The following WWOX variants were observed in gnomAD, a reference collection of about 807,000 sequenced individuals.
WWOX encodes the protein WW domain containing oxidoreductase.
A neutral mutation model predicts 46.2 loss-of-function variants in WWOX; 69 were observed. The observed-to-expected ratio is 1.49, with a 90% CI of 1.23 to 1.82. The LOEUF (loss-of-function observed/expected upper bound fraction) is 1.82, where lower values mean the gene tolerates loss of function less well. WWOX is among the 40% of genes most tolerant of loss of function. The pLI is 0.00. For missense variants in WWOX, 919 were observed against 542.6 expected (o/e 1.69, Z -6.89); for synonymous variants, 359 against 202.6 (o/e 1.77, Z -6.56).
At chr16:78,364,917 G>A (rs913912184) in intron 5 of WWOX, among the ~76,000 whole-genome samples, 1 of 152,060 alleles carries the variant, frequency 6.6e-6, no homozygotes, top group Non-Finnish European at 1.5e-5. Flanking sequence ...TAGGTACCTG[G>A]AATTTCATTC....
At chr16:78,726,593 A>G (rs2048842410) in intron 8 of WWOX, among the ~76,000 whole-genome samples, 1 of 152,166 alleles carries the variant, frequency 6.6e-6, no homozygotes, top group African/African-American at 2.4e-5. Flanking sequence ...AGGTAAATTA[A>G]TGGAGGAAGG....
chr16:78,419,962 G>T (rs867415252), intron 6 of WWOX, among the ~76,000 whole-genome samples: 11 of 152,022 alleles, frequency 7.2e-5, no homozygotes, highest in Non-Finnish European at 1.3e-4. Flanking sequence ...TTTAAAAAAT[G>T]AGCATAAGAT....
chr16:78,336,857 A>G (rs893009873), intron 5 of WWOX, among the ~76,000 whole-genome samples: 7 of 151,900 alleles, frequency 4.6e-5, no homozygotes, highest in African/African-American at 1.5e-4. Flanking sequence ...CAGTGGTGCA[A>G]TCTCCTCCGC....
At chr16:78,410,303 G>A (rs540607099) in intron 6 of WWOX, among the ~76,000 whole-genome samples, 1 of 152,292 alleles carries the variant, frequency 6.6e-6, no homozygotes, top group African/African-American at 2.4e-5. Flanking sequence ...TGCAGTGCAA[G>A]AATAGCTTAA....
intron 8 of WWOX, among the ~76,000 whole-genome samples, chr16:79,020,728 G>C (rs565014858): frequency 1.1e-3 from 171 of 152,164 alleles, no homozygotes; most frequent in Non-Finnish European, 2.3e-3. Context: ...AGATGCAAGG[G>C]GAAGGGTGTT....
At chr16:78,193,826 T>G (rs2035959606) in intron 5 of WWOX, among the ~76,000 whole-genome samples, 1 of 150,396 alleles carries the variant, frequency 6.6e-6, no homozygotes, top group Admixed American at 6.6e-5. Context: ...TTATTTATTA[T>G]TATTATTATT....
chr16:78,354,426 T>G (rs912723176), intron 5 of WWOX, among the ~76,000 whole-genome samples: 2 of 150,294 alleles, frequency 1.3e-5, no homozygotes, highest in African/African-American at 4.9e-5. Flanking sequence ...TTAATGCCAA[T>G]GAAGCCCGTT....
rs542582858 is a variant in WWOX at position 78,471,642 on chromosome 16, A to G, written c.1056+38890A>G. 3.3e-5 allele frequency among the ~76,000 whole-genome samples: 5 copies of G among 152,282 alleles called. No homozygotes were observed. The South Asian group carries it at 1.0e-3, about 32-fold the overall frequency. On this transcript the variant is annotated intron_variant, in intron 8 of 8. Transcript: ENST00000566780. ...TGTGACTTTGTACTGAGACACATTT[A>G]TATTAGGGTAATGGCCTCATGCTAT...
chr16:78,963,837 AATT>A (rs1302805438), intron 8 of WWOX, among the ~76,000 whole-genome samples: 3 of 152,150 alleles, frequency 2.0e-5, no homozygotes, highest in Admixed American at 1.3e-4. Flanking sequence ...TATCTCCCAG[AATT>A]CCCACGTGTT....
chr16:78,466,559 G>A lies in WWOX; in HGVS notation c.1056+33807G>A, dbSNP rs1294547217. Among the ~76,000 whole-genome samples the A allele has an allele frequency of 3.3e-5, 5 of 152,280 alleles. No homozygotes were observed. The East Asian group carries it at 9.7e-4, about 29-fold the overall frequency. On this transcript the variant is annotated intron_variant, in intron 8 of 8. Transcript: ENST00000566780. ...TTTTTAAATATTCCAGCTGCGTGCA[G>A]TGGCTCACACCTGTAATCCCAGCAC...
intron 8 of WWOX, among the ~76,000 whole-genome samples, chr16:78,476,890 C>A (rs2084362490): frequency 6.6e-6 from 1 of 151,850 alleles, no homozygotes; most frequent in African/African-American, 2.4e-5. Flanking sequence ...CATCTTCTTC[C>A]TCCCTCTTCT....
At chr16:78,701,800 C>T (rs115752973) in intron 8 of WWOX, among the ~76,000 whole-genome samples, 9 of 151,710 alleles carry the variant, frequency 5.9e-5, no homozygotes, top group Non-Finnish European at 1.3e-4. Context: ...GAGCTGCCAT[C>T]TGGGGACACA....
At chr16:78,959,199 G>A (rs1276224075) in intron 8 of WWOX, among the ~76,000 whole-genome samples, 4 of 152,238 alleles carry the variant, frequency 2.6e-5, no homozygotes, top group East Asian at 3.9e-4. Flanking sequence ...CAAGGTTCTC[G>A]TTCTTCTCAT....
At chr16:78,604,067 C>T (rs1035732914) in intron 8 of WWOX, among the ~76,000 whole-genome samples, 4 of 152,040 alleles carry the variant, frequency 2.6e-5, no homozygotes, top group Non-Finnish European at 4.4e-5. Context: ...TCGCTTGAGC[C>T]CGGGAGGTGG....
At chr16:78,922,864 A>G (rs143947107) in intron 8 of WWOX, among the ~76,000 whole-genome samples, 11 of 152,314 alleles carry the variant, frequency 7.2e-5, no homozygotes, top group Non-Finnish European at 1.6e-4. Context: ...CCTATTTTCA[A>G]TAAGGGCTTA....
At chr16:78,940,803 C>T (rs1471183075) in intron 8 of WWOX, among the ~76,000 whole-genome samples, 1 of 151,516 alleles carries the variant, frequency 6.6e-6, no homozygotes, top group Non-Finnish European at 1.5e-5. Context: ...TATCCTGGTC[C>T]TTAGAGTCTT....
chr16:78,230,320 G>A (rs71396166), intron 5 of WWOX, among the ~76,000 whole-genome samples: 1 of 152,030 alleles, frequency 6.6e-6, no homozygotes, highest in African/African-American at 2.4e-5. Context: ...CTTACAAAAG[G>A]CCAGGCCTAG....
At chr16:78,759,812 G>A (rs925705012) in intron 8 of WWOX, among the ~76,000 whole-genome samples, 5 of 152,134 alleles carry the variant, frequency 3.3e-5, no homozygotes, top group African/African-American at 9.7e-5. Context: ...TGAGTTTTAT[G>A]GAGTGAAAAT....
chr16:78,300,874 A>C (rs1024975360), intron 5 of WWOX, among the ~76,000 whole-genome samples: 11 of 152,082 alleles, frequency 7.2e-5, no homozygotes, highest in Admixed American at 2.0e-4. Flanking sequence ...CACCACCTAG[A>C]CTCAACAGTT....
Sources: gnomAD v4.1 joint callset for allele counts (sites outside exome capture counted in the v4.1 genomes callset) on GRCh38, gnomAD v4.1.1 for gene constraint, MANE v1.5 for transcripts, NCBI Gene and HGNC (gene_info 2026-07-23, HGNC 2026-07-21) for gene names.